SLCO3A1: variants seen among roughly 807,000 people sequenced by gnomAD.
SLCO3A1 encodes PGE1 transporter.
SLCO3A1 carries 27 observed loss-of-function variants against 63.1 expected under a neutral mutation model. The observed-to-expected ratio is 0.43, with a 90% CI of 0.32 to 0.59. The LOEUF (loss-of-function observed/expected upper bound fraction) is 0.59, where lower values mean the gene tolerates loss of function less well. Among genes scored for constraint, SLCO3A1 ranks in the 20% least tolerant of loss-of-function variants. The pLI is 0.09. For synonymous variants in SLCO3A1, 473 were observed against 409.9 expected, an observed-to-expected ratio of 1.15 and a Z score of -1.86; for missense variants, 773 against 945.8, an observed-to-expected ratio of 0.82 and a Z score of 2.40.
rs1183397396 is a variant in SLCO3A1, at chr15:91,942,528, C to T, written c.646+26070C>T. On this transcript the variant is annotated intron_variant, in intron 2 of 9. Coordinates refer to ENST00000318445, the MANE Select transcript of SLCO3A1 (RefSeq NM_013272.4). This position sits in a 1 kb window ranked among gnomAD's most constrained non-coding sequence, Gnocchi z 4.1. ...CTCTTAGATTGACGATGCCCAGGCT[C>T]ACTGGTTTTCAAACTTTGTTTTGCA... Among the ~76,000 whole-genome samples, 1 of 152,140 alleles carries T rather than the reference C, an allele frequency of 6.6e-6. No homozygotes were observed. Among genetic ancestry groups the T allele is most frequent in the East Asian group, 1.9e-4 (1 of 5,188 alleles).
rs1897627421 is a variant in SLCO3A1 at position 91,882,876 on chromosome 15, C to T, written c.180+28788C>T. On this transcript the variant is annotated intron_variant, in intron 1 of 9. Coordinates refer to ENST00000318445, the MANE Select transcript of SLCO3A1 (RefSeq NM_013272.4). This position sits in a 1 kb window ranked among gnomAD's most constrained non-coding sequence, Gnocchi z 4.4. Reference sequence around the variant, plus strand: ...TGAATATGTGCGATAAGTATAACCTCATCAAGATTTCCTTGCAATTAGGTA... The same window carrying T: ...TGAATATGTGCGATAAGTATAACCTTATCAAGATTTCCTTGCAATTAGGTA... Among the ~76,000 whole-genome samples the T allele has an allele frequency of 7.7e-6, 1 of 130,668 alleles. No individual in the cohort carries two copies. Among genetic ancestry groups the T allele is most frequent in the Admixed American group, 8.2e-5 (1 of 12,248 alleles). The allele number at this position is 130,668 out of a possible 152,430, so 85.7% of individuals were successfully genotyped here. A position where few individuals can be genotyped will look rare whatever the true frequency, so the allele number is the denominator to read the frequency against.
intron 2 of SLCO3A1, among the ~76,000 whole-genome samples, chr15:91,963,419 G>GGGGGC (rs10686584): frequency 8.6e-6 from 1 of 115,608 alleles, no homozygotes; most frequent in Non-Finnish European, 1.8e-5. Flanking sequence ...GGGGGGGGGG[G>GGGGGC]GCGGCAGCAG....
In SLCO3A1 at chr15:92,104,406, G is replaced by T; in HGVS notation, c.873G>T (p.Pro291=). 1.2e-6 allele frequency: 2 copies of T among 1,614,090 alleles called. No homozygotes were observed. The highest frequency in any genetic ancestry group is 1.6e-4 in the Middle Eastern group (1 of 6,062). Residue 291 remains proline (P), a synonymous_variant, in exon 4 of 10, where the codon CCG becomes CCT. Transcript: ENST00000318445. Reference sequence around the variant, plus strand: ...TTGGGTTTCCACAGTCCCTGCCCCCGCACTCAGAGCCCGCCATGGAAAGCG... The same window carrying T: ...TTGGGTTTCCACAGTCCCTGCCCCCTCACTCAGAGCCCGCCATGGAAAGCG... ...LMFGFPQSLP[P]HSEPAMESEQ...
At chr15:91,876,874 T>C (rs1897413760) in intron 1 of SLCO3A1, among the ~76,000 whole-genome samples, 2 of 152,252 alleles carry the variant, frequency 1.3e-5, no homozygotes, top group Admixed American at 1.3e-4. Flanking sequence ...ACAGGCCTTT[T>C]CTGTATTCAC....
intron 2 of SLCO3A1, among the ~76,000 whole-genome samples, chr15:91,927,892 T>C (rs72751974): frequency 0.065 from 9,891 of 152,304 alleles, 471 homozygotes; most frequent in Non-Finnish European, 0.099. Context: ...TGTCTATTAT[T>C]AGATCTAAAT....
At chr15:92,079,623 C>G (rs1206165202) in intron 2 of SLCO3A1, among the ~76,000 whole-genome samples, 1 of 152,232 alleles carries the variant, frequency 6.6e-6, no homozygotes, top group Non-Finnish European at 1.5e-5. Flanking sequence ...AACACAATCA[C>G]GTGCTGAGGT....
chr15:91,902,674 G>A (rs1041676902), intron 1 of SLCO3A1, among the ~76,000 whole-genome samples: 1 of 152,068 alleles, frequency 6.6e-6, no homozygotes, highest in Non-Finnish European at 1.5e-5. Flanking sequence ...TGAAATGGTT[G>A]TTTTTGACAG....
chr15:92,166,035 T>G (rs1310962613), downstream of SLCO3A1: 4 of 378,336 alleles, frequency 1.1e-5, no homozygotes, highest in South Asian at 4.3e-4. Flanking sequence ...AAAGAAGGTT[T>G]GGGTTTTGTT....
chr15:91,866,632 A>G (rs1897173343), intron 1 of SLCO3A1, among the ~76,000 whole-genome samples: 1 of 151,938 alleles, frequency 6.6e-6, no homozygotes, highest in Non-Finnish European at 1.5e-5. Context: ...AAACTAATTA[A>G]CTTCGACAAC....
At chr15:91,991,271 G>A (rs1038377314) in intron 2 of SLCO3A1, among the ~76,000 whole-genome samples, 2 of 152,134 alleles carry the variant, frequency 1.3e-5, no homozygotes, top group South Asian at 2.1e-4. Context: ...GGAGGCTGAG[G>A]TGGGGGATCA....
chr15:91,857,219 G>A (rs944046339), intron 1 of SLCO3A1, among the ~76,000 whole-genome samples: 2 of 152,060 alleles, frequency 1.3e-5, no homozygotes, highest in Non-Finnish European at 2.9e-5. Context: ...TAGGCTGGGG[G>A]CCTGCAACTT....
At chr15:92,085,122 AG>A (rs1428331327) in intron 2 of SLCO3A1, among the ~76,000 whole-genome samples, 1 of 152,228 alleles carries the variant, frequency 6.6e-6, no homozygotes, top group Non-Finnish European at 1.5e-5. Flanking sequence ...AGAGAGGCTG[AG>A]GGGGCTCCCC....
chr15:92,027,816 G>A (rs1289007498), intron 2 of SLCO3A1, among the ~76,000 whole-genome samples: 1 of 152,228 alleles, frequency 6.6e-6, no homozygotes, highest in African/African-American at 2.4e-5. Flanking sequence ...TGTCACACCC[G>A]TGGACAGAAA....
intron 2 of SLCO3A1, among the ~76,000 whole-genome samples, chr15:92,038,458 A>G (rs1053324314): frequency 2.0e-5 from 3 of 152,202 alleles, no homozygotes; most frequent in South Asian, 2.1e-4. Flanking sequence ...TACGCCAACA[A>G]TAGACAAGCA....
chr15:92,027,877 A>C (rs12101918), intron 2 of SLCO3A1, among the ~76,000 whole-genome samples: 2 of 152,076 alleles, frequency 1.3e-5, no homozygotes, highest in Admixed American at 6.5e-5. Context: ...TTTTTAGTTT[A>C]TTTTAGTTTT....
At chr15:91,871,027 T>C (rs1897267764) in intron 1 of SLCO3A1, among the ~76,000 whole-genome samples, 1 of 152,232 alleles carries the variant, frequency 6.6e-6, no homozygotes, top group South Asian at 2.1e-4. Context: ...CTTTGACACC[T>C]ACTGTTGCTT....
chr15:91,967,287 T>G lies in SLCO3A1; in HGVS notation c.646+50829T>G, dbSNP rs947713136. On this transcript the variant is annotated intron_variant, in intron 2 of 9. Coordinates refer to ENST00000318445, the MANE Select transcript of SLCO3A1 (RefSeq NM_013272.4). The surrounding 1 kb of genome is among the most constrained non-coding windows in gnomAD (Gnocchi z 4.4). The stretch of plus-strand genomic sequence containing the variant: ...AGAGAGGTTTTTAGTTATCAGAGCA[T>G]GTTGCAGAGGTATAAGAGGAAGCAG... Among the ~76,000 whole-genome samples, 3 of 152,326 alleles carry G rather than the reference T, an allele frequency of 2.0e-5. No individual in the cohort carries two copies. The highest frequency in any genetic ancestry group is 1.3e-4 in the Admixed American group (2 of 15,302).
intron 2 of SLCO3A1, among the ~76,000 whole-genome samples, chr15:91,919,194 C>A (rs1312580827): frequency 1.3e-5 from 2 of 152,200 alleles, no homozygotes; most frequent in East Asian, 3.8e-4. Flanking sequence ...CAACCCAGGG[C>A]AAAGTGAAGC....
chr15:91,983,787 A>G (rs2046016541), intron 2 of SLCO3A1, among the ~76,000 whole-genome samples: 1 of 152,150 alleles, frequency 6.6e-6, no homozygotes, highest in South Asian at 2.1e-4. Flanking sequence ...AGGGTGGAGG[A>G]AAGTTGGAAT....
Sources: allele counts gnomAD v4.1 joint callset (sites outside exome capture counted in the v4.1 genomes callset), GRCh38; gene constraint gnomAD v4.1.1; non-coding constraint Gnocchi (gnomAD v3.1); transcripts MANE v1.5; gene names NCBI Gene and HGNC (gene_info 2026-07-23, HGNC 2026-07-21).